Variants in ANXA10 observed in about 807,000 individuals in gnomAD.
ANXA10 encodes annexin A10.
In ANXA10, 49 loss-of-function variants were observed where a neutral mutation model predicts 53.5. That is an observed-to-expected ratio of 0.92 (90% confidence interval 0.73 to 1.16). The LOEUF (loss-of-function observed/expected upper bound fraction) is 1.16. ANXA10 is among the 50% of genes most tolerant of loss of function. The probability of loss-of-function intolerance (pLI) is 0.00; values close to 1 mark genes in which losing one functional copy is unlikely to be tolerated. For synonymous variants in ANXA10, 131 were observed against 128.9 expected, an observed-to-expected ratio of 1.02 and a Z score of -0.11; for missense variants, 393 against 394.4, an observed-to-expected ratio of 1.00 and a Z score of 0.03.
intron 3 of ANXA10, among the ~76,000 whole-genome samples, chr4:168,155,409 T>A: frequency 9.9e-6 from 1 of 101,156 alleles, no homozygotes; most frequent in Middle Eastern, 4.6e-3. Flanking sequence ...ATATATTATA[T>A]TATACATTAT....
intron 3 of ANXA10, among the ~76,000 whole-genome samples, chr4:168,142,558 T>C (rs904858502): frequency 6.6e-6 from 1 of 152,194 alleles, no homozygotes; most frequent in African/African-American, 2.4e-5. Flanking sequence ...CTTTTTGTAA[T>C]TTCCTCACAG....
chr4:168,166,316 T>G (rs1731877206), intron 6 of ANXA10, among the ~76,000 whole-genome samples: 1 of 152,108 alleles, frequency 6.6e-6, no homozygotes, highest in Admixed American at 6.5e-5. Context: ...CTACTTCAAG[T>G]TAAAAATAGA....
intron 6 of ANXA10, among the ~76,000 whole-genome samples, chr4:168,175,287 T>A (rs542558508): frequency 1.6e-4 from 25 of 152,214 alleles, no homozygotes; most frequent in South Asian, 2.1e-4. Flanking sequence ...AAATGTATGT[T>A]ATTAAATAAA....
chr4:168,136,634 C>T (rs1352898592), intron 2 of ANXA10, among the ~76,000 whole-genome samples: 2 of 152,206 alleles, frequency 1.3e-5, no homozygotes, highest in Non-Finnish European at 2.9e-5. Flanking sequence ...TCAGGAAGCT[C>T]CGCCCCCATG....
At chr4:168,144,032 G>C (rs1478058927) in intron 3 of ANXA10, among the ~76,000 whole-genome samples, 2 of 152,156 alleles carry the variant, frequency 1.3e-5, no homozygotes, top group East Asian at 3.9e-4. Flanking sequence ...TAGAGCTCCA[G>C]ATACCCCTCA....
intron 8 of ANXA10, 43 bp from the exon 9 acceptor site, chr4:168,179,171 TATA>T (rs1219164762): frequency 1.7e-6 from 2 of 1,151,430 alleles, no homozygotes; most frequent in African/African-American, 3.1e-5. Flanking sequence ...ATATTTGTAT[TATA>T]ATATTTTCAA....
chr4:168,105,899 C>T (rs1730713039), intron 1 of ANXA10, among the ~76,000 whole-genome samples: 1 of 151,964 alleles, frequency 6.6e-6, no homozygotes, highest in Non-Finnish European at 1.5e-5. Context: ...GCTTCTTAGC[C>T]ACATATATGT....
At chr4:168,155,092 A>G (rs1176681521) in intron 3 of ANXA10, among the ~76,000 whole-genome samples, 1 of 151,142 alleles carries the variant, frequency 6.6e-6, no homozygotes, top group Non-Finnish European at 1.5e-5. Context: ...CACTCTACCC[A>G]GAACAGTACC....
chr4:168,146,673 C>T (rs1234395824), intron 3 of ANXA10, among the ~76,000 whole-genome samples: 1 of 152,122 alleles, frequency 6.6e-6, no homozygotes, highest in Non-Finnish European at 1.5e-5. Context: ...TCCAGTTGGT[C>T]TCATCAGAGA....
At chr4:168,105,406 T>C (rs551097620) in intron 1 of ANXA10, among the ~76,000 whole-genome samples, 1 of 152,120 alleles carries the variant, frequency 6.6e-6, no homozygotes, top group South Asian at 2.1e-4. Context: ...CTAAGCATAA[T>C]GGCCTCCAGC....
intron 1 of ANXA10, among the ~76,000 whole-genome samples, chr4:168,109,375 C>T (rs1730768045): frequency 6.6e-6 from 1 of 152,054 alleles, no homozygotes; most frequent in Non-Finnish European, 1.5e-5. Context: ...TTTAAATTAT[C>T]AAAATTCTCT....
At chr4:168,159,006 G>A (rs938804903) in intron 3 of ANXA10, among the ~76,000 whole-genome samples, 1 of 152,104 alleles carries the variant, frequency 6.6e-6, no homozygotes, top group African/African-American at 2.4e-5. Context: ...GCTTCTTGAA[G>A]CCTCATGAGA....
At chr4:168,175,572 T>TA (rs1732111259) in intron 6 of ANXA10, among the ~76,000 whole-genome samples, 1 of 152,194 alleles carries the variant, frequency 6.6e-6, no homozygotes, top group Non-Finnish European at 1.5e-5. Context: ...ACTCCTAAGG[T>TA]ACCTGCACCT....
chr4:168,097,206 T>C (rs1730564560), intron 1 of ANXA10, among the ~76,000 whole-genome samples: 1 of 152,116 alleles, frequency 6.6e-6, no homozygotes, highest in South Asian at 2.1e-4. Context: ...TTCTTCTCCT[T>C]CAATTCTCTC....
intron 3 of ANXA10, among the ~76,000 whole-genome samples, chr4:168,152,729 A>G (rs551847361): frequency 1.7e-4 from 25 of 149,996 alleles, no homozygotes; most frequent in Non-Finnish European, 3.1e-4. Context: ...ATATATATGT[A>G]TCGCCTCCCA....
intron 2 of ANXA10, 45 bp from the exon 3 acceptor site, chr4:168,139,441 A>G (rs1560969212): frequency 6.5e-7 from 1 of 1,539,362 alleles, no homozygotes; most frequent in South Asian, 1.1e-5. Context: ...CTTCCCAACT[A>G]CAAAGTAGCA....
In ANXA10 at chr4:168,120,030, A is replaced by G. The variant is rs115906525; in HGVS notation, c.19-8054A>G. Among the ~76,000 whole-genome samples the G allele has an allele frequency of 7.0e-3, 1,064 of 152,178 alleles. 8 individuals are homozygous for G. Among genetic ancestry groups the G allele is most frequent in the African/African-American group, 0.024 (1,008 of 41,542 alleles). On this transcript the variant is annotated intron_variant, in intron 1 of 11. Coordinates refer to ENST00000359299, the MANE Select transcript of ANXA10 (RefSeq NM_007193.5). ...TAATATAGCTATAATAGCATAGGAT[A>G]GCTTTAAGGATGAAATACAATACCG...
intron 6 of ANXA10, 143 bp downstream of exon 6, chr4:168,165,469 A>G: frequency 2.4e-6 from 1 of 418,132 alleles, no homozygotes; most frequent in Non-Finnish European, 4.2e-6. Flanking sequence ...ACATTTACTG[A>G]AGCCATGTTC....
chr4:168,150,651 C>A (rs10027424), intron 3 of ANXA10, among the ~76,000 whole-genome samples: 3 of 152,114 alleles, frequency 2.0e-5, no homozygotes, highest in African/African-American at 7.2e-5. Context: ...AGGAGAAACA[C>A]GCACATGCGC....
Sources: allele counts gnomAD v4.1 joint callset (sites outside exome capture counted in the v4.1 genomes callset), GRCh38; gene constraint gnomAD v4.1.1; transcripts MANE v1.5; gene names NCBI Gene and HGNC (gene_info 2026-07-23, HGNC 2026-07-21).